ZNF665: variants seen among roughly 807,000 people sequenced by gnomAD.
The protein encoded by ZNF665 is zinc finger protein 665.
A neutral mutation model predicts 7.9 loss-of-function variants in ZNF665; 6 were observed. The ratio of observed to expected loss-of-function variants is 0.76; its 90% CI spans 0.42 to 1.50. The LOEUF (loss-of-function observed/expected upper bound fraction) is 1.50, where lower values mean the gene tolerates loss of function less well. Ranked by LOEUF, ZNF665 falls within the 40% of genes most tolerant of loss-of-function variation. The pLI, the probability that ZNF665 is intolerant of heterozygous loss-of-function variation, is 0.01. For missense variants in ZNF665, 819 were observed against 806.7 expected (o/e 1.02, Z -0.18); for synonymous variants, 242 against 274.5 (o/e 0.88, Z 1.17).
At chr19:53,167,220 C>G (rs984793796) in intron 3 of ZNF665, among the ~76,000 whole-genome samples, 3 of 151,996 alleles carry the variant, frequency 2.0e-5, no homozygotes, top group African/African-American at 7.3e-5. Flanking sequence ...AGGCTGGTCT[C>G]GAACTCCCGA....
intron 1 of ZNF665, among the ~76,000 whole-genome samples, chr19:53,193,088 G>C (rs1286515513): frequency 6.6e-6 from 1 of 152,138 alleles, no homozygotes; most frequent in Non-Finnish European, 1.5e-5. Context: ...CAGGAAAGGA[G>C]GTGTCTGCAT....
chr19:53,178,347 G>C (rs1024276668), intron 2 of ZNF665, among the ~76,000 whole-genome samples: 23 of 152,190 alleles, frequency 1.5e-4, no homozygotes, highest in African/African-American at 5.5e-4. Flanking sequence ...TCATTAAACT[G>C]GTTAGAAAAG....
chr19:53,192,546 T>C (rs913213502), intron 1 of ZNF665, among the ~76,000 whole-genome samples: 2 of 152,202 alleles, frequency 1.3e-5, no homozygotes, highest in African/African-American at 4.8e-5. Context: ...TTACTGTCTC[T>C]TTGTAAATCC....
chr19:53,182,213 C>CA (rs11322164), intron 2 of ZNF665: 2,270 of 154,806 alleles, frequency 0.015, 22 homozygotes, highest in African/African-American at 0.025. Context: ...ATTAAAAATA[C>CA]AAAAAAAAAT....
At chr19:53,168,055 C>CAAAA (rs57521729) in intron 3 of ZNF665, among the ~76,000 whole-genome samples, 38 of 66,374 alleles carry the variant, frequency 5.7e-4, no homozygotes, top group East Asian at 2.0e-3. Context: ...GACTCCCTCT[C>CAAAA]AAAAAAAAAA....
At chr19:53,174,514 C>T (rs550429502) in intron 3 of ZNF665, among the ~76,000 whole-genome samples, 1 of 152,310 alleles carries the variant, frequency 6.6e-6, no homozygotes, top group South Asian at 2.1e-4. Context: ...CCCATCTGAA[C>T]TCTGACCTGT....
rs35735454 is a variant in ZNF665, at chr19:53,164,133, CTTTTT to C, written c.*315_*319del. The stretch of plus-strand genomic sequence containing the variant: ...CTGGCCGCACTCCTTTGTAAGGTTA[CTTTTT>C]TTTTTTTTTTTTTTTTGGAGATGGA... On this transcript the variant is annotated 3_prime_UTR_variant, in exon 4 of 4. Transcript: ENST00000396424. 8 of 104,680 alleles carry C rather than the reference CTTTTT, an allele frequency of 7.6e-5. No individual in the cohort carries two copies. The highest frequency in any genetic ancestry group is 7.2e-4 in the South Asian group (2 of 2,782). 6.5% of individuals were successfully genotyped at this position (104,680 alleles called of 1,614,324 possible). A position where few individuals can be genotyped will look rare whatever the true frequency, so the allele number is the denominator to read the frequency against.
At position 53,165,151 on chromosome 19, in the gene ZNF665, T is replaced by C. The variant is rs1369935560; in HGVS notation, c.1339A>G (p.Thr447Ala). 12 of 1,614,172 alleles carry C rather than the reference T, an allele frequency of 7.4e-6. No individual in the cohort carries two copies. The highest frequency in any genetic ancestry group is 9.3e-6 in the Non-Finnish European group (11 of 1,180,014). ...TCTCCAGTATGAATTGCCTGATGGG[T>C]AGTTAGGCTTGATCGCACACTAAAG... ...KAFSVRSSLT[T>A]HQAIHTGEKP... is the part of the protein sequence containing the mutation. Residue 447 changes from threonine to alanine, a missense_variant, in exon 4 of 4, where the codon ACC becomes GCC. Coordinates refer to ENST00000396424, the MANE Select transcript of ZNF665 (RefSeq NM_024733.5).
At chr19:53,171,524 A>ATATATATATATTTTTT (rs372855271) in intron 3 of ZNF665, among the ~76,000 whole-genome samples, 11 of 69,324 alleles carry the variant, frequency 1.6e-4, no homozygotes, top group East Asian at 1.3e-3. Context: ...ATATATATAT[A>ATATATATATATTTTTT]TTTTTTTTTT....
Position 53,169,488 on chromosome 19 carries a change from T to A in ZNF665, c.143-3141A>T, listed in dbSNP as rs558621083. ...GGCTACAACCACTTTGGAAAATAGG[T>A]TGGATGGCTTTAAAAAAAATTTTTT... On this transcript the variant is annotated intron_variant, in intron 3 of 3. Coordinates refer to ENST00000396424, the MANE Select transcript of ZNF665 (RefSeq NM_024733.5). Among the ~76,000 whole-genome samples the A allele has an allele frequency of 9.9e-5, 15 of 152,234 alleles. No homozygotes were observed. In the East Asian group the frequency reaches 2.5e-3, roughly 25 times the overall value.
At chr19:53,172,468 C>T (rs12460704) in intron 3 of ZNF665, among the ~76,000 whole-genome samples, 118,774 of 152,090 alleles carry the variant, frequency 0.78, 46,660 homozygotes, top group East Asian at 0.92. Context: ...CTGACAACTA[C>T]GTGATATTTT....
intron 1 of ZNF665, among the ~76,000 whole-genome samples, chr19:53,190,006 G>A (rs1421871548): frequency 6.6e-6 from 1 of 152,092 alleles, no homozygotes; most frequent in Non-Finnish European, 1.5e-5. Context: ...GTATGGCCTG[G>A]TTTTTCCTAG....
chr19:53,191,067 T>C (rs892893574), intron 1 of ZNF665, among the ~76,000 whole-genome samples: 1 of 152,192 alleles, frequency 6.6e-6, no homozygotes, highest in Admixed American at 6.5e-5. Flanking sequence ...ACTCAATGGA[T>C]CCGAAGCTCC....
intron 3 of ZNF665, among the ~76,000 whole-genome samples, chr19:53,173,873 G>C (rs990412702): frequency 6.6e-6 from 1 of 152,146 alleles, no homozygotes; most frequent in African/African-American, 2.4e-5. Context: ...GGATCAAAGA[G>C]AGGACATTTC....
In ZNF665 at chr19:53,165,640, G is replaced by A. The variant is rs772661261; in HGVS notation, c.850C>T (p.His284Tyr). Residue 284 changes from histidine to tyrosine, a missense_variant, in exon 4 of 4, where the codon CAT (histidine) becomes TAT (tyrosine). His to Tyr is a moderately conservative substitution (Grantham distance 83). Transcript: ENST00000396424. Reference sequence around the variant, plus strand: ...CATTTGTAAGGTTTTTCTCCAGTATGGATGACCTGATGTGTAGTTAGTTTT... The same window carrying A: ...CATTTGTAAGGTTTTTCTCCAGTATAGATGACCTGATGTGTAGTTAGTTTT... The part of the protein sequence containing the change: ...HSKLTTHQVI[H>Y]TGEKPYKCKE... The A allele has an allele frequency of 2.2e-5, 35 of 1,614,044 alleles. No homozygotes were observed. Among genetic ancestry groups the A allele is most frequent in the Non-Finnish European group, 2.9e-5 (34 of 1,180,010 alleles).
Position 53,165,232 on chromosome 19 carries a change from G to A in ZNF665, c.1258C>T (p.His420Tyr). 2 of 1,614,030 alleles carry A rather than the reference G, an allele frequency of 1.2e-6. No homozygotes were observed. The highest frequency in any genetic ancestry group is 1.1e-5 in the South Asian group (1 of 91,082). ...TTCTCTCCAGTATGAATTCTTCGATGATTTGCTAAGTGTGAATACTGAGTG... is the reference window on the plus strand; with the variant it reads ...TTCTCTCCAGTATGAATTCTTCGATAATTTGCTAAGTGTGAATACTGAGTG... ...VFTQYSHLANHRRIHTGEKPY... is the reference protein window; with the variant it reads ...VFTQYSHLANYRRIHTGEKPY... Residue 420 changes from histidine (H) to tyrosine (Y), a missense_variant, in exon 4 of 4, where the codon CAT becomes TAT. Coordinates refer to ENST00000396424, the MANE Select transcript of ZNF665 (RefSeq NM_024733.5).
chr19:53,168,274 C>CA (rs2090633093), intron 3 of ZNF665, among the ~76,000 whole-genome samples: 1 of 151,934 alleles, frequency 6.6e-6, no homozygotes, highest in Non-Finnish European at 1.5e-5. Flanking sequence ...AATACATTAT[C>CA]AATACCCCAA....
chr19:53,171,504 G>GTGTGTGTGTGTATATATATA (rs140482885), intron 3 of ZNF665, among the ~76,000 whole-genome samples: 6 of 57,776 alleles, frequency 1.0e-4, no homozygotes, highest in Admixed American at 8.9e-4. Context: ...GTGTGTGTGT[G>GTGTGTGTGTGTATATATATA]TATATATATA....
At chr19:53,191,070 G>A (rs566888081) in intron 1 of ZNF665, among the ~76,000 whole-genome samples, 2 of 140,166 alleles carry the variant, frequency 1.4e-5, no homozygotes, top group Non-Finnish European at 3.0e-5. Flanking sequence ...CAATGGATCC[G>A]AAGCTCCGAA....
Sources: allele counts gnomAD v4.1 joint callset (sites outside exome capture counted in the v4.1 genomes callset), GRCh38; gene constraint gnomAD v4.1.1; transcripts MANE v1.5; gene names NCBI Gene and HGNC (gene_info 2026-07-23, HGNC 2026-07-21).